The following CALD1 variants were observed in gnomAD, a reference collection of about 807,000 sequenced individuals.
The protein encoded by CALD1 is caldesmon.
CALD1 carries 33 observed loss-of-function variants against 99.9 expected under a neutral mutation model. That is an observed-to-expected ratio of 0.33 (90% confidence interval 0.25 to 0.44). The LOEUF is 0.44. Ranked by LOEUF, CALD1 falls within the 20% of genes least tolerant of loss-of-function variation. The pLI is 1.00. For synonymous variants in CALD1, 310 were observed against 325.0 expected (o/e 0.95, Z 0.50); for missense variants, 861 against 962.1 (o/e 0.89, Z 1.39).
Position 134,928,787 on chromosome 7 carries a change from G to A in CALD1, c.105G>A (p.Glu35=). The part of the protein sequence containing the change: ...IAYQRNDDDE[E]EAARERRRRA... ...ACCAGAGGAATGACGATGATGAAGAGGAGGCAGCCCGGGAACGGCGCCGCC... is the reference window on the plus strand; with the variant it reads ...ACCAGAGGAATGACGATGATGAAGAAGAGGCAGCCCGGGAACGGCGCCGCC... The change falls in exon 4 of 15, where the codon GAG becomes GAA. Residue 35 remains glutamate, a synonymous_variant. Coordinates refer to ENST00000361675, the MANE Select transcript of CALD1 (RefSeq NM_033138.4). 6.2e-7 allele frequency: 1 copy of A among 1,613,984 alleles called. No homozygotes were observed. Among genetic ancestry groups the A allele is most frequent in the South Asian group, 1.1e-5 (1 of 91,026 alleles).
chr7:134,961,701 T>C (rs976418074), intron 13 of CALD1: 9 of 152,058 alleles, frequency 5.9e-5, no homozygotes, highest in South Asian at 2.1e-4. Context: ...CAATTTACAA[T>C]TGGAAAATCT....
chr7:134,801,086 A>G (rs981693409), intron 1 of CALD1, among the ~76,000 whole-genome samples: 4 of 151,740 alleles, frequency 2.6e-5, no homozygotes, highest in South Asian at 4.2e-4. Context: ...CTTCTTTCCC[A>G]TGTGTATTCT....
intron 2 of CALD1, among the ~76,000 whole-genome samples, chr7:134,853,915 A>G: frequency 9.0e-6 from 1 of 111,328 alleles, no homozygotes; most frequent in East Asian, 3.1e-4. Flanking sequence ...CCCTGTGCCC[A>G]TGTGTTCTCA....
intron 7 of CALD1, 126 bp from the exon 8 acceptor site, chr7:134,947,382 C>G (rs189660137): frequency 2.6e-5 from 25 of 950,992 alleles, no homozygotes; most frequent in South Asian, 1.4e-4. Context: ...CAGCCTACCC[C>G]CTGGGCTAAT....
At chr7:134,732,241 C>T in the CALD1 span, among the ~76,000 whole-genome samples, 5 of 152,216 alleles carry the variant, frequency 3.3e-5, no homozygotes, top group Admixed American at 2.0e-4. Flanking sequence ...CTGAAGCACA[C>T]GTCTAAGCTG....
chr7:134,794,387 C>T (rs1029514538), intron 1 of CALD1, among the ~76,000 whole-genome samples: 1 of 152,198 alleles, frequency 6.6e-6, no homozygotes, highest in Non-Finnish European at 1.5e-5. Context: ...GACAGGTGAG[C>T]TAACTGTGCA....
chr7:134,722,121 T>G, the CALD1 span, among the ~76,000 whole-genome samples: 1 of 152,206 alleles, frequency 6.6e-6, no homozygotes, highest in Non-Finnish European at 1.5e-5. Flanking sequence ...CTTTACTGTA[T>G]GATTTGTGCA....
chr7:134,776,111 C>T (rs973307645), upstream of CALD1, among the ~76,000 whole-genome samples: 2 of 152,128 alleles, frequency 1.3e-5, no homozygotes, highest in Admixed American at 6.5e-5. Flanking sequence ...TCTTTCTAAT[C>T]CCAGTGGCTA....
At chr7:134,868,012 G>C (rs1164276329) in intron 3 of CALD1, 8 of 382,470 alleles carry the variant, frequency 2.1e-5, no homozygotes, top group Admixed American at 4.3e-5. Flanking sequence ...AGAGAGATTT[G>C]AGAGGAATCA....
chr7:134,928,138 TA>T, intron 3 of CALD1: 3 of 288,578 alleles, frequency 1.0e-5, no homozygotes, highest in Non-Finnish European at 2.2e-5. Flanking sequence ...TCCCTTCTTC[TA>T]AATCTTACAA....
chr7:134,723,944 T>C, the CALD1 span, among the ~76,000 whole-genome samples: 1 of 152,210 alleles, frequency 6.6e-6, no homozygotes, highest in African/African-American at 2.4e-5. Context: ...CAATGGGATC[T>C]GAAAAATATT....
At chr7:134,843,859 T>A (rs758324981) in intron 1 of CALD1, 25 bp from the exon 2 acceptor site, 3 of 152,244 alleles carry the variant, frequency 2.0e-5, no homozygotes, top group Admixed American at 6.5e-5. Flanking sequence ...AACTGAATTA[T>A]GTTTCCATCC....
chr7:134,927,085 T>C (rs754989560), intron 3 of CALD1, among the ~76,000 whole-genome samples: 13 of 152,232 alleles, frequency 8.5e-5, no homozygotes, highest in East Asian at 1.9e-4. Flanking sequence ...ACCCAACCCA[T>C]TGACCCATCA....
Position 134,934,143 on chromosome 7 carries a change from G to T in CALD1, c.1308+66G>T, listed in dbSNP as rs536539795. The T allele has an allele frequency of 1.9e-5, 30 of 1,547,480 alleles. No individual in the cohort carries two copies. In the African/African-American group the frequency reaches 4.0e-4, roughly 21 times the overall value. ...CTTGTGAGAAATGTAATGCACATCTGATTTGGGACTGAGGCCACATGCATA... is the reference window on the plus strand; with the variant it reads ...CTTGTGAGAAATGTAATGCACATCTTATTTGGGACTGAGGCCACATGCATA... On this transcript the variant is annotated intron_variant, in intron 5 of 14. Coordinates refer to ENST00000361675, the MANE Select transcript of CALD1 (RefSeq NM_033138.4).
At position 134,829,193 on chromosome 7, in the gene CALD1, T is replaced by C. The variant is rs369500300; in HGVS notation, c.-129-14691T>C. Among the ~76,000 whole-genome samples the C allele has an allele frequency of 3.2e-4, 48 of 152,270 alleles. No individual in the cohort carries two copies. The Middle Eastern group carries it at 0.014, about 44-fold the overall frequency. ...AAAAGACAGATATTAAATACATAAG[T>C]AACCAAACATAAATATCATTGCAAA... On this transcript the variant is annotated intron_variant, in intron 1 of 14. Transcript: ENST00000361675.
At chr7:134,745,154 C>T (rs779227064) in intron 1 of CALD1, among the ~76,000 whole-genome samples, 5 of 152,110 alleles carry the variant, frequency 3.3e-5, no homozygotes, top group Admixed American at 6.6e-5. Context: ...ACAGCAGTAA[C>T]CTATAACCTA....
intron 3 of CALD1, among the ~76,000 whole-genome samples, chr7:134,880,061 TATCCCATGTC>T (rs1340957022): frequency 6.6e-6 from 1 of 152,228 alleles, no homozygotes; most frequent in Middle Eastern, 3.2e-3. Flanking sequence ...CATGGACTAC[TATCCCATGTC>T]ACATCTTCAC....
chr7:134,911,916 GAA>G (rs1480061528), intron 3 of CALD1, among the ~76,000 whole-genome samples: 1 of 152,046 alleles, frequency 6.6e-6, no homozygotes, highest in Non-Finnish European at 1.5e-5. Context: ...TAAATAACTG[GAA>G]CAACCACAGA....
chr7:134,861,464 A>C (rs1237095797), intron 2 of CALD1, among the ~76,000 whole-genome samples: 2 of 152,198 alleles, frequency 1.3e-5, no homozygotes, highest in African/African-American at 2.4e-5. Flanking sequence ...TATACACGAC[A>C]TGCTCCCTTT....
Sources: allele counts gnomAD v4.1 joint callset (sites outside exome capture counted in the v4.1 genomes callset), GRCh38; gene constraint gnomAD v4.1.1; transcripts MANE v1.5; gene names NCBI Gene and HGNC (gene_info 2026-07-23, HGNC 2026-07-21).